NCALD: variants seen among roughly 807,000 people sequenced by gnomAD.
NCALD encodes the protein neurocalcin-delta.
NCALD carries 10 observed loss-of-function variants against 18.6 expected under a neutral mutation model. That is an observed-to-expected ratio of 0.54 (90% CI 0.33 to 0.91). NCALD has a LOEUF of 0.91. Ranked by LOEUF, NCALD falls within the 40% of genes least tolerant of loss-of-function variation. The pLI is 0.03. For synonymous variants in NCALD, 88 were observed against 87.4 expected (o/e 1.01, Z -0.04); for missense variants, 184 against 247.6 (o/e 0.74, Z 1.72).
intron 2 of NCALD, among the ~76,000 whole-genome samples, chr8:101,930,135 T>A (rs989726494): frequency 6.6e-6 from 1 of 151,928 alleles, no homozygotes; most frequent in Non-Finnish European, 1.5e-5. Context: ...AATGAGAAAA[T>A]TACAAAAATT....
intron 1 of NCALD, among the ~76,000 whole-genome samples, chr8:101,783,003 A>T (rs968978577): frequency 3.3e-5 from 5 of 152,138 alleles, no homozygotes; most frequent in African/African-American, 1.2e-4. Context: ...AATATCTTGG[A>T]TGAGATGGGA....
chr8:101,853,449 G>A (rs1035757194), intron 4 of NCALD, among the ~76,000 whole-genome samples: 5 of 152,158 alleles, frequency 3.3e-5, no homozygotes, highest in Non-Finnish European at 5.9e-5. Flanking sequence ...CTAAAAGACA[G>A]AGGGATCAAA....
At chr8:101,874,468 T>C (rs999071932) in intron 4 of NCALD, among the ~76,000 whole-genome samples, 4 of 152,174 alleles carry the variant, frequency 2.6e-5, no homozygotes, top group Admixed American at 6.6e-5. Flanking sequence ...TCTTTCAGCA[T>C]TTCCCACACT....
In NCALD at chr8:101,947,981, G is replaced by A. The variant is rs375098795; in HGVS notation, c.-156-32123C>T. 7.2e-5 allele frequency among the ~76,000 whole-genome samples: 11 copies of A among 152,356 alleles called. No homozygotes were observed. The East Asian group carries it at 1.7e-3, about 24-fold the overall frequency. On this transcript the variant is annotated intron_variant, in intron 2 of 6. Transcript: ENST00000311028. ...TAAGAAAAACTGTGTTGAAATCTGA[G>A]GGTAAGCAGTAGGATGTGGCCAGGT... is the stretch of plus-strand genomic sequence containing the variant.
chr8:102,075,674 G>A (rs1290860340), intron 1 of NCALD, among the ~76,000 whole-genome samples: 1 of 152,092 alleles, frequency 6.6e-6, no homozygotes, highest in Non-Finnish European at 1.5e-5. Flanking sequence ...TTCCACGTTG[G>A]CTAGGTGCGG....
intron 1 of NCALD, among the ~76,000 whole-genome samples, chr8:101,730,253 G>A (rs7844744): frequency 0.4 from 60,610 of 151,616 alleles, 15,573 homozygotes; most frequent in African/African-American, 0.71. Context: ...AGGCCGAGGC[G>A]GGCAGATCAC....
chr8:101,714,111 T>G (rs1028193179), intron 2 of NCALD, among the ~76,000 whole-genome samples: 1 of 152,206 alleles, frequency 6.6e-6, no homozygotes, highest in Non-Finnish European at 1.5e-5. Flanking sequence ...TCACCATTCC[T>G]GTTCAACATA....
chr8:101,690,156 T>C (rs1814655934), intron 3 of NCALD: 1 of 847,942 alleles, frequency 1.2e-6, no homozygotes, highest in Non-Finnish European at 1.4e-6. Context: ...CTGGAGCACG[T>C]ACAGAATTCT....
chr8:102,003,079 A>G (rs1013213869), intron 2 of NCALD, among the ~76,000 whole-genome samples: 1 of 152,218 alleles, frequency 6.6e-6, no homozygotes, highest in African/African-American at 2.4e-5. Flanking sequence ...CAAAAAATCA[A>G]TGAATCCAGG....
At chr8:102,069,399 A>G (rs918668875) in intron 1 of NCALD, among the ~76,000 whole-genome samples, 14 of 152,232 alleles carry the variant, frequency 9.2e-5, no homozygotes, top group Non-Finnish European at 1.3e-4. Flanking sequence ...ACAATGGAGC[A>G]GGTAAACAAT....
chr8:101,829,978 T>G (rs1814103766), intron 4 of NCALD, among the ~76,000 whole-genome samples: 1 of 150,430 alleles, frequency 6.6e-6, no homozygotes, highest in Admixed American at 6.6e-5. Context: ...ACATGGGTTT[T>G]TTTTTTTTTT....
chr8:101,899,676 T>C (rs1375989186), intron 3 of NCALD, among the ~76,000 whole-genome samples: 2 of 151,934 alleles, frequency 1.3e-5, no homozygotes, highest in African/African-American at 4.8e-5. Flanking sequence ...TATAGTGAAT[T>C]ACATTGAGGA....
intron 1 of NCALD, among the ~76,000 whole-genome samples, chr8:101,759,228 G>A (rs774268135): frequency 9.9e-5 from 15 of 152,188 alleles, no homozygotes; most frequent in Non-Finnish European, 2.1e-4. Flanking sequence ...ATAACAAAGT[G>A]TCTTGCTGAT....
At chr8:101,907,661 G>T (rs540596419) in intron 3 of NCALD, among the ~76,000 whole-genome samples, 1 of 152,146 alleles carries the variant, frequency 6.6e-6, no homozygotes, top group Non-Finnish European at 1.5e-5. Flanking sequence ...CAGAGGGGAC[G>T]GGACAGGAGG....
intron 2 of NCALD, among the ~76,000 whole-genome samples, chr8:101,973,453 T>G (rs1368241178): frequency 1.3e-5 from 2 of 152,218 alleles, no homozygotes; most frequent in Non-Finnish European, 2.9e-5. Context: ...AGTGCCATTT[T>G]CATCATGTCA....
chr8:101,925,720 T>C (rs549992590), intron 2 of NCALD, among the ~76,000 whole-genome samples: 1 of 152,254 alleles, frequency 6.6e-6, no homozygotes, highest in South Asian at 2.1e-4. Flanking sequence ...CCATACCTAA[T>C]AGGTGCTCAA....
At chr8:101,711,384 C>T (rs1214979172) in intron 2 of NCALD, among the ~76,000 whole-genome samples, 2 of 152,074 alleles carry the variant, frequency 1.3e-5, no homozygotes, top group East Asian at 1.9e-4. Context: ...CACAACCCCT[C>T]GCGGGCAAGG....
intron 1 of NCALD, among the ~76,000 whole-genome samples, chr8:102,036,147 T>G (rs13251787): frequency 6.9e-6 from 1 of 145,540 alleles, no homozygotes; most frequent in Non-Finnish European, 1.5e-5. Flanking sequence ...ATAAATAAAT[T>G]AATTAATTAA....
At chr8:101,772,106 T>C (rs1404377349) in intron 1 of NCALD, among the ~76,000 whole-genome samples, 1 of 152,134 alleles carries the variant, frequency 6.6e-6, no homozygotes, top group East Asian at 1.9e-4. Flanking sequence ...AGGCAGAAGC[T>C]TTGAGTTGAA....
Sources: gnomAD v4.1 joint callset for allele counts (sites outside exome capture counted in the v4.1 genomes callset) on GRCh38, gnomAD v4.1.1 for gene constraint, MANE v1.5 for transcripts, NCBI Gene and HGNC (gene_info 2026-07-23, HGNC 2026-07-21) for gene names.